CAB39: variants seen among roughly 807,000 people sequenced by gnomAD.
CAB39 encodes the protein calcium-binding protein 39.
In CAB39, 8 loss-of-function variants were observed where a neutral mutation model predicts 40.0. The ratio of observed to expected loss-of-function variants is 0.20; its 90% confidence interval spans 0.12 to 0.36. CAB39 has a LOEUF of 0.36. Among genes scored for constraint, CAB39 ranks in the 10% least tolerant of loss-of-function variants. The pLI, the probability that CAB39 is intolerant of heterozygous loss-of-function variation, is 1.00. For synonymous variants in CAB39, 156 were observed against 141.6 expected, an observed-to-expected ratio of 1.10 and a Z score of -0.72; for missense variants, 270 against 401.1, an observed-to-expected ratio of 0.67 and a Z score of 2.79.
chr2:230,725,275 G>A (rs543006524), intron 1 of CAB39: 172 of 1,576,444 alleles, frequency 1.1e-4, no homozygotes, highest in East Asian at 4.5e-5. Flanking sequence ...CAAGGACAAC[G>A]TAGGCCTTGT....
intron 1 of CAB39, among the ~76,000 whole-genome samples, chr2:230,756,071 C>G (rs1695184712): frequency 1.3e-5 from 2 of 152,340 alleles, no homozygotes; most frequent in African/African-American, 4.8e-5. Flanking sequence ...CTGAAGAGTC[C>G]ACTCTTAAAG....
chr2:230,725,519 T>C lies in CAB39; in HGVS notation c.-44+12289T>C. Reference sequence around the variant, plus strand: ...AACAGCCCTTTTTAATATCAAATTTTGTCCTCATATTTTTAGGTAAGTAAT... The same window carrying C: ...AACAGCCCTTTTTAATATCAAATTTCGTCCTCATATTTTTAGGTAAGTAAT... On this transcript the variant is annotated intron_variant, in intron 1 of 8. Transcript: ENST00000258418. 5.2e-6 allele frequency: 5 copies of C among 966,904 alleles called. No individual in the cohort carries two copies. In the South Asian group the frequency reaches 5.6e-5, roughly 11 times the overall value. The allele number at this position is 966,904 out of a possible 1,614,324, so 59.9% of individuals were successfully genotyped here.
intron 5 of CAB39, among the ~76,000 whole-genome samples, chr2:230,809,054 T>C (rs1335371944): frequency 6.6e-6 from 1 of 152,116 alleles, no homozygotes; most frequent in African/African-American, 2.4e-5. Context: ...AGTGCTTTTG[T>C]GCTGGTGACC....
At chr2:230,761,159 G>C (rs11679988) in intron 2 of CAB39, among the ~76,000 whole-genome samples, 54,717 of 151,672 alleles carry the variant, frequency 0.36, 13,708 homozygotes, top group African/African-American at 0.71. Context: ...GTTTTATATA[G>C]ACCTTGTATA....
chr2:230,783,378 A>AT (rs1217382111), intron 2 of CAB39, among the ~76,000 whole-genome samples: 1 of 151,918 alleles, frequency 6.6e-6, no homozygotes, highest in African/African-American at 2.4e-5. Flanking sequence ...AACTGCAGTT[A>AT]TTTTTTCACA....
Position 230,818,502 on chromosome 2 carries a change from T to G in CAB39, c.838-14T>G, listed in dbSNP as rs763178358. The G allele has an allele frequency of 3.1e-6, 5 of 1,610,760 alleles. No homozygotes were observed. Among genetic ancestry groups the G allele is most frequent in the South Asian group, 2.2e-5 (2 of 90,712 alleles). ...TCCTTTCTCTGTGCCTCATGTGCGT[T>G]TCTCTCCACGCAGGTGTTTGTAGCC... On this transcript the variant is annotated splice_polypyrimidine_tract_variant and intron_variant, in intron 8 of 8. Transcript: ENST00000258418.
chr2:230,802,950 A>C (rs1696118559), intron 5 of CAB39, among the ~76,000 whole-genome samples: 1 of 152,168 alleles, frequency 6.6e-6, no homozygotes, highest in Non-Finnish European at 1.5e-5. Flanking sequence ...GTAGAGACAC[A>C]ACAAAAAAAA....
intron 1 of CAB39, chr2:230,714,137 G>A (rs577560846): frequency 2.6e-5 from 4 of 152,502 alleles, no homozygotes; most frequent in African/African-American, 7.2e-5. Context: ...ATGGTGCAGG[G>A]GGCGGGGGGT....
At chr2:230,794,843 A>AC (rs140506686) in intron 4 of CAB39, among the ~76,000 whole-genome samples, 54,958 of 152,088 alleles carry the variant, frequency 0.36, 13,804 homozygotes, top group African/African-American at 0.71. Context: ...ACATGACATC[A>AC]CTCAGTATGC....
chr2:230,720,710 G>A (rs552515683), intron 1 of CAB39, among the ~76,000 whole-genome samples: 4 of 152,262 alleles, frequency 2.6e-5, no homozygotes, highest in South Asian at 2.1e-4. Context: ...GTGAGCCACC[G>A]CGCCAGGCTT....
chr2:230,785,428 A>T (rs1170836462), intron 2 of CAB39, among the ~76,000 whole-genome samples: 1 of 151,980 alleles, frequency 6.6e-6, no homozygotes, highest in Non-Finnish European at 1.5e-5. Context: ...AGGAGGGCCT[A>T]TTCGATTTTG....
At chr2:230,743,014 G>A (rs1694910491) in intron 1 of CAB39, among the ~76,000 whole-genome samples, 1 of 152,188 alleles carries the variant, frequency 6.6e-6, no homozygotes, top group Non-Finnish European at 1.5e-5. Context: ...ATACATAACT[G>A]CACAGAACAT....
intron 1 of CAB39, among the ~76,000 whole-genome samples, chr2:230,748,848 A>G (rs1413152907): frequency 8.4e-6 from 1 of 119,058 alleles, no homozygotes; most frequent in Non-Finnish European, 1.8e-5. Context: ...ATATATATAT[A>G]TATATATATA....
Position 230,818,888 on chromosome 2 carries a change from AGGGCACATGT to A in CAB39, c.*189_*198del. 1.9e-6 allele frequency: 1 copy of A among 538,248 alleles called. No homozygotes were observed. Among genetic ancestry groups the A allele is most frequent in the South Asian group, 2.1e-5 (1 of 46,968 alleles). The allele number at this position is 538,248 out of a possible 1,614,324, so 33.3% of individuals were successfully genotyped here. On this transcript the variant is annotated 3_prime_UTR_variant, in exon 9 of 9. Transcript: ENST00000258418. ...TCGTAGCTGCTGCTGCTTGCACACT[AGGGCACATGT>A]GGGCTTTCTCTTGATCTTTGTGTCA...
intron 7 of CAB39, among the ~76,000 whole-genome samples, chr2:230,815,807 C>T (rs1342426738): frequency 6.6e-6 from 1 of 152,172 alleles, no homozygotes; most frequent in East Asian, 1.9e-4. Flanking sequence ...AGCGGTGGGC[C>T]TGTGAGTGCC....
At chr2:230,810,224 T>A in intron 5 of CAB39, 39 bp from the exon 6 acceptor site, 1 of 947,560 alleles carries the variant, frequency 1.1e-6, no homozygotes. Flanking sequence ...TTTGAAAACT[T>A]GGAGAACAAC....
At chr2:230,782,805 C>CTTTTT (rs1559609011) in intron 2 of CAB39, among the ~76,000 whole-genome samples, 2 of 108,442 alleles carry the variant, frequency 1.8e-5, no homozygotes, top group African/African-American at 1.1e-4. Flanking sequence ...TTCTTTCTTT[C>CTTTTT]TTTCTTTCTT....
intron 2 of CAB39, among the ~76,000 whole-genome samples, chr2:230,769,028 C>T (rs1695437608): frequency 1.3e-5 from 2 of 152,088 alleles, no homozygotes; most frequent in Middle Eastern, 6.8e-3. Context: ...CAGTTAGCAA[C>T]TTAAAATAGG....
chr2:230,737,035 C>G (rs1247193313), intron 1 of CAB39, among the ~76,000 whole-genome samples: 1 of 152,144 alleles, frequency 6.6e-6, no homozygotes, highest in Non-Finnish European at 1.5e-5. Context: ...TTAACCAGGA[C>G]TTGATTTCAA....
Sources: allele counts gnomAD v4.1 joint callset (sites outside exome capture counted in the v4.1 genomes callset), GRCh38; gene constraint gnomAD v4.1.1; transcripts MANE v1.5; gene names NCBI Gene and HGNC (gene_info 2026-07-23, HGNC 2026-07-21).